Variants in OGFR observed in about 807,000 individuals in gnomAD.
OGFR encodes the protein opioid growth factor receptor.
In OGFR, 18 loss-of-function variants were observed where a neutral mutation model predicts 33.6. The ratio of observed to expected loss-of-function variants is 0.54; its 90% CI spans 0.37 to 0.80. OGFR has a LOEUF of 0.80. OGFR is among the 30% of genes least tolerant of loss of function. OGFR has a pLI of 0.00. For missense variants in OGFR, 877 were observed against 955.8 expected, an observed-to-expected ratio of 0.92 and a Z score of 1.09; for synonymous variants, 370 against 400.7, an observed-to-expected ratio of 0.92 and a Z score of 0.91.
chr20:62,809,017 T>TTACTTTGATA lies in OGFR; in HGVS notation c.320-566_320-557dup, dbSNP rs1990663672. Among the ~76,000 whole-genome samples, 8 of 149,606 alleles carry TTACTTTGATA rather than the reference T, an allele frequency of 5.3e-5. No homozygotes were observed. The South Asian group carries it at 1.7e-3, about 32-fold the overall frequency. On this transcript the variant is annotated intron_variant, in intron 3 of 6. Transcript: ENST00000290291. ...AAAAAAAAAAAAGAACAGTGTTCTA[T>TTACTTTGATA]TACTTTGATATTATAAGAAATTAAA...
At position 62,813,821 on chromosome 20, in the gene OGFR, T is replaced by A; in HGVS notation, c.*172T>A. 1.3e-6 allele frequency: 1 copy of A among 746,378 alleles called. No homozygotes were observed. The highest frequency in any genetic ancestry group is 2.2e-6 in the Non-Finnish European group (1 of 462,698). 46.2% of individuals were successfully genotyped at this position (746,378 alleles called of 1,614,324 possible). A position where few individuals can be genotyped will look rare whatever the true frequency, so the allele number is the denominator to read the frequency against. On this transcript the variant is annotated 3_prime_UTR_variant, in exon 7 of 7. Transcript: ENST00000290291. ...GCAGCCACCAGAAGCCGCGAGGCCC[T>A]CAGGGAAGCCCAAGGCCTGCAGAAG...
At position 62,813,946 on chromosome 20, in the gene OGFR, T is replaced by C; in HGVS notation, c.*297T>C. The C allele has an allele frequency of 3.8e-6, 2 of 528,420 alleles. No individual in the cohort carries two copies. Among genetic ancestry groups the C allele is most frequent in the Non-Finnish European group, 6.7e-6 (2 of 297,140 alleles). The allele number at this position is 528,420 out of a possible 1,614,324, so 32.7% of individuals were successfully genotyped here. A position where few individuals can be genotyped will look rare whatever the true frequency, so the allele number is the denominator to read the frequency against. On this transcript the variant is annotated 3_prime_UTR_variant, in exon 7 of 7. Transcript: ENST00000290291. The stretch of plus-strand genomic sequence containing the variant: ...GTGGGGGGCGGCGGGCAGGGCTGCT[T>C]TTCTTAGTCTGATACCAAGCAAGGC...
chr20:62,811,362 G>T, intron 5 of OGFR, 100 bp from the exon 6 acceptor site: 1 of 1,295,456 alleles, frequency 7.7e-7, no homozygotes. Context: ...TGTCTGTCTA[G>T]TCCAGGCCTC....
rs1267446647 is a variant in OGFR, at chr20:62,812,231, C to T, written c.616C>T (p.Arg206Cys). Reference sequence around the variant, plus strand: ...TCTCCTGACCCGGATCTCTCGCAGGCGCAGCCACAACAACCTCCGCATCAC... The same window carrying T: ...TCTCCTGACCCGGATCTCTCGCAGGTGCAGCCACAACAACCTCCGCATCAC... ...YQKRFQNLNW[R>C]SHNNLRITRI... Residue 206 changes from arginine (R) to cysteine (C), a missense_variant and splice_region_variant, in exon 7 of 7, where the codon CGC becomes TGC. Around this residue, in one of 3 missense-constraint regions of OGFR, gnomAD observed 760 missense variants for 736.0 expected, o/e 1.03. Coordinates refer to ENST00000290291, the MANE Select transcript of OGFR (RefSeq NM_007346.4). 3 of 1,498,194 alleles carry T rather than the reference C, an allele frequency of 2.0e-6. No individual in the cohort carries two copies. Among genetic ancestry groups the T allele is most frequent in the South Asian group, 1.3e-5 (1 of 75,694 alleles). The allele number at this position is 1,498,194 out of a possible 1,614,324, so 92.8% of individuals were successfully genotyped here.
intron 6 of OGFR, among the ~76,000 whole-genome samples, chr20:62,811,992 C>T (rs1459665379): frequency 2.0e-5 from 3 of 152,222 alleles, no homozygotes; most frequent in Non-Finnish European, 4.4e-5. Context: ...TACAGCCACC[C>T]TCTAGGTGAT....
chr20:62,805,156 GA>G, intron 1 of OGFR, 126 bp downstream of exon 1: 1 of 691,658 alleles, frequency 1.4e-6, no homozygotes, highest in Non-Finnish European at 2.0e-6. Context: ...CAGCCCCGGG[GA>G]CCCCCCCCCA....
chr20:62,805,184 G>GC (rs1200356902), intron 1 of OGFR, among the ~76,000 whole-genome samples, 154 bp downstream of exon 1: 1 of 151,272 alleles, frequency 6.6e-6, no homozygotes, highest in East Asian at 1.9e-4. Context: ...CCGACCCCCA[G>GC]CCCCAGGGCC....
rs985604812 is a variant in OGFR at position 62,804,883 on chromosome 20, C to G, written c.24C>G (p.Ser8=). ...GCATGGACGACCCCGACTGCGACTC[C>G]ACCTGGGAGGAGGACGAGGAGGATG... is the stretch of plus-strand genomic sequence containing the variant. MDDPDCD[S]TWEEDEEDAE... is the part of the protein sequence containing the mutation. Residue 8 remains serine, a synonymous_variant, in exon 1 of 7, where the codon TCC becomes TCG. Transcript: ENST00000290291. 1 of 1,492,918 alleles carries G rather than the reference C, an allele frequency of 6.7e-7. No individual in the cohort carries two copies. The highest frequency in any genetic ancestry group is 2.3e-5 in the Admixed American group (1 of 43,952). The allele number at this position is 1,492,918 out of a possible 1,614,324, so 92.5% of individuals were successfully genotyped here.
intron 1 of OGFR, chr20:62,807,291 C>T (rs1013063060): frequency 3.6e-6 from 2 of 554,570 alleles, no homozygotes; most frequent in African/African-American, 1.9e-5. Flanking sequence ...CAGCCCCCCA[C>T]CTGGCTACCG....
chr20:62,807,604 C>A lies in OGFR; in HGVS notation c.239C>A (p.Pro80Gln). The change falls in exon 2 of 7, where the codon CCG becomes CAG. Residue 80 changes from proline (P) to glutamine (Q), a missense_variant and splice_region_variant. Pro to Gln is a moderately conservative substitution (Grantham distance 76). Transcript: ENST00000290291. ...ATGTGTAGGTATCGGCACAACTATC[C>A]GGTACGTACCTGCCCCTGCCCCGGG... Reference protein sequence around the residue: ...RDMCRYRHNYPDLVERDCNGD... With the variant: ...RDMCRYRHNYQDLVERDCNGD... 6.2e-7 allele frequency: 1 copy of A among 1,610,256 alleles called. No homozygotes were observed. The highest frequency in any genetic ancestry group is 8.5e-7 in the Non-Finnish European group (1 of 1,178,692).
At position 62,813,774 on chromosome 20, in the gene OGFR, G is replaced by A; in HGVS notation, c.*125G>A. The A allele has an allele frequency of 8.6e-7, 1 of 1,159,558 alleles. No individual in the cohort carries two copies. Among genetic ancestry groups the A allele is most frequent in the Non-Finnish European group, 1.2e-6 (1 of 800,446 alleles). The allele number at this position is 1,159,558 out of a possible 1,614,324, so 71.8% of individuals were successfully genotyped here. ...CCCGTGACCCATGACCCACAGTGCT[G>A]GCCTCCTGTGGGGCCACTATAGCAG... On this transcript the variant is annotated 3_prime_UTR_variant, in exon 7 of 7. Coordinates refer to ENST00000290291, the MANE Select transcript of OGFR (RefSeq NM_007346.4).
intron 5 of OGFR, among the ~76,000 whole-genome samples, chr20:62,810,950 C>G (rs1474045367): frequency 1.3e-5 from 2 of 152,248 alleles, no homozygotes; most frequent in Non-Finnish European, 2.9e-5. Context: ...CTGGCACTTT[C>G]CCATGGCCAG....
At chr20:62,807,672 C>T (rs750041634) in intron 2 of OGFR, 67 bp downstream of exon 2, 391 of 1,514,700 alleles carry the variant, frequency 2.6e-4, no homozygotes, top group Non-Finnish European at 3.3e-4. Flanking sequence ...GGCAGAATGT[C>T]CCAGGTTCTA....
At chr20:62,807,832 C>T (rs1432860133) in intron 2 of OGFR, 8 of 605,182 alleles carry the variant, frequency 1.3e-5, no homozygotes, top group Admixed American at 8.8e-5. Flanking sequence ...TTCAGCACAC[C>T]GTCGCCTTGC....
intron 1 of OGFR, 99 bp from the exon 2 acceptor site, chr20:62,807,438 G>A (rs1177563472): frequency 2.9e-6 from 3 of 1,021,010 alleles, no homozygotes; most frequent in Non-Finnish European, 3.0e-6. Context: ...TTTAAAGACA[G>A]CTCTGTGGCA....
intron 2 of OGFR, chr20:62,808,017 A>T (rs528454765): frequency 1.6e-6 from 1 of 615,448 alleles, no homozygotes; most frequent in Non-Finnish European, 2.9e-6. Flanking sequence ...TGAGGAGGGG[A>T]CCTGCCAGGC....
rs1305961655 is a variant in OGFR, at chr20:62,809,599, G to A, written c.334G>A (p.Asp112Asn). 6.2e-7 allele frequency: 1 copy of A among 1,607,610 alleles called. No individual in the cohort carries two copies. The highest frequency in any genetic ancestry group is 1.7e-5 in the Admixed American group (1 of 59,834). ...RFLPNGCFIEDILQNWTDNYD... is the reference protein window; with the variant it reads ...RFLPNGCFIENILQNWTDNYD... ...GGGGCTCCCAGGCTGTTTCATTGAG[G>A]ACATTCTTCAGAACTGGACGGACAA... Residue 112 changes from aspartate (D) to asparagine (N), a missense_variant, in exon 4 of 7, where the codon GAC (aspartate) becomes AAC (asparagine). Around this residue, in one of 3 missense-constraint regions of OGFR, gnomAD observed 760 missense variants for 736.0 expected, o/e 1.03. Coordinates refer to ENST00000290291, the MANE Select transcript of OGFR (RefSeq NM_007346.4).
rs1186177933 is a variant in OGFR at position 62,812,610 on chromosome 20, C to T, written c.995C>T (p.Pro332Leu). Residue 332 changes from proline (P) to leucine (L), a missense_variant, in exon 7 of 7, where the codon CCA becomes CTA. By Grantham distance (98) the Pro-to-Leu change is moderately conservative. Coordinates refer to ENST00000290291, the MANE Select transcript of OGFR (RefSeq NM_007346.4). Reference protein sequence around the residue: ...EASTQGRTCGPEHSKGGGRVD... With the variant: ...EASTQGRTCGLEHSKGGGRVD... ...AGCACCCAGGGTCGGACCTGTGGGC[C>T]AGAGCATAGCAAGGGTGGGGGCAGG... 4 of 1,562,648 alleles carry T rather than the reference C, an allele frequency of 2.6e-6. No individual in the cohort carries two copies. The highest frequency in any genetic ancestry group is 2.7e-5 in the African/African-American group (2 of 73,702).
chr20:62,811,020 AGAG>A (rs1245420856), intron 5 of OGFR, among the ~76,000 whole-genome samples: 1 of 152,226 alleles, frequency 6.6e-6, no homozygotes, highest in East Asian at 1.9e-4. Flanking sequence ...GGAGCAGCTC[AGAG>A]GAGAGATGGA....
Sources: gnomAD v4.1 joint callset for allele counts (sites outside exome capture counted in the v4.1 genomes callset) on GRCh38, gnomAD v4.1.1 for gene constraint, gnomAD v4.1.1 regional missense constraint, MANE v1.5 for transcripts, NCBI Gene and HGNC (gene_info 2026-07-23, HGNC 2026-07-21) for gene names.